The following FER1L6 variants were observed in gnomAD, a reference collection of about 807,000 sequenced individuals.
FER1L6 encodes fer-1-like protein 6.
In FER1L6, 177 loss-of-function variants were observed where a neutral mutation model predicts 219.2. The observed-to-expected ratio is 0.81, with a 90% CI of 0.71 to 0.91. The LOEUF (loss-of-function observed/expected upper bound fraction) is 0.91. Among genes scored for constraint, FER1L6 ranks in the 40% least tolerant of loss-of-function variants. FER1L6 has a pLI of 0.00. For synonymous variants in FER1L6, 768 were observed against 824.3 expected, an observed-to-expected ratio of 0.93 and a Z score of 1.17; for missense variants, 2,153 against 2,259.9, an observed-to-expected ratio of 0.95 and a Z score of 0.96.
At chr8:123,998,137 C>T (rs572853857) in intron 12 of FER1L6, among the ~76,000 whole-genome samples, 11 of 152,162 alleles carry the variant, frequency 7.2e-5, no homozygotes, top group African/African-American at 1.9e-4. Flanking sequence ...GGGTTGTTTG[C>T]GCCCATCCTT....
intron 12 of FER1L6, among the ~76,000 whole-genome samples, chr8:123,995,426 A>G (rs904638473): frequency 6.6e-6 from 1 of 152,134 alleles, no homozygotes; most frequent in African/African-American, 2.4e-5. Flanking sequence ...CTAAGAATTT[A>G]TCCATTTCTT....
chr8:123,867,947 C>G (rs1816862091), intron 1 of FER1L6, among the ~76,000 whole-genome samples: 1 of 152,218 alleles, frequency 6.6e-6, no homozygotes, highest in Non-Finnish European at 1.5e-5. Flanking sequence ...CCCTCTTTCC[C>G]TCAGAGAGTA....
intron 1 of FER1L6, among the ~76,000 whole-genome samples, chr8:123,874,567 A>G (rs1816972361): frequency 6.6e-6 from 1 of 152,202 alleles, no homozygotes; most frequent in South Asian, 2.1e-4. Context: ...CGCTACCAAT[A>G]CATCTACTGA....
At chr8:124,035,197 GAAGGACCTCTTTTCTCAA>G in intron 18 of FER1L6, 62 bp from the exon 19 acceptor site, 2 of 1,453,322 alleles carry the variant, frequency 1.4e-6, no homozygotes, top group Non-Finnish European at 1.9e-6. Flanking sequence ...GTGTCTCCAG[GAAGGACCTCTTTTCTCAA>G]AAGGGGAGGC....
In FER1L6 at chr8:123,938,976, G is replaced by A. The variant is rs535681628; in HGVS notation, c.-7-17016G>A. Among the ~76,000 whole-genome samples, 15 of 152,342 alleles carry A rather than the reference G, an allele frequency of 9.8e-5. No individual in the cohort carries two copies. In the South Asian group the frequency reaches 1.2e-3, roughly 13 times the overall value. The stretch of plus-strand genomic sequence containing the variant: ...TCTTCAAGGGAAGAGTACACTGTTC[G>A]AGGGTTGCCTGGGTCACTTGCTTTT... On this transcript the variant is annotated intron_variant, in intron 1 of 40. Coordinates refer to ENST00000522917, the MANE Select transcript of FER1L6 (RefSeq NM_001039112.2).
intron 1 of FER1L6, among the ~76,000 whole-genome samples, chr8:123,953,351 C>T (rs28508147): frequency 1.1e-3 from 160 of 152,314 alleles, no homozygotes; most frequent in African/African-American, 3.5e-3. Flanking sequence ...GCCTGAGCTG[C>T]GCCTAGACCA....
intron 1 of FER1L6, among the ~76,000 whole-genome samples, chr8:123,886,751 C>T (rs549173652): frequency 1.3e-5 from 2 of 152,284 alleles, no homozygotes; most frequent in East Asian, 3.9e-4. Flanking sequence ...CTCCACTTCA[C>T]TATTATATGT....
chr8:123,963,250 G>C (rs746923045), intron 2 of FER1L6, 28 bp from the exon 3 acceptor site: 1 of 1,612,850 alleles, frequency 6.2e-7, no homozygotes, highest in East Asian at 2.2e-5. Flanking sequence ...AATTTCACAG[G>C]ATTTTCTTCC....
intron 39 of FER1L6, among the ~76,000 whole-genome samples, chr8:124,116,859 T>A (rs557754847): frequency 6.6e-6 from 1 of 152,230 alleles, no homozygotes; most frequent in South Asian, 2.1e-4. Flanking sequence ...AGTTTTGGAC[T>A]TATTTCTTGA....
rs1434281136 is a variant in FER1L6 at position 124,101,254 on chromosome 8, T to C, written c.5041T>C (p.Leu1681=). The C allele has an allele frequency of 6.2e-7, 1 of 1,612,136 alleles. No individual in the cohort carries two copies. The highest frequency in any genetic ancestry group is 8.5e-7 in the Non-Finnish European group (1 of 1,178,318). The part of the protein sequence containing the change: ...VITKRENIFS[L]EKMECKTPAV... ...TACCAAGAGGGAGAACATCTTCTCT[T>C]TAGAGAAGATGGAGTGTAAGACTCC... Residue 1681 remains leucine (L), a synonymous_variant, in exon 38 of 41, where the codon TTA becomes CTA. Transcript: ENST00000522917.
chr8:124,100,643 GC>G, intron 37 of FER1L6, among the ~76,000 whole-genome samples: 1 of 152,256 alleles, frequency 6.6e-6, no homozygotes, highest in East Asian at 1.9e-4. Context: ...GACAACCCAA[GC>G]CTATACCAGC....
At chr8:124,005,544 C>T (rs1178116637) in intron 13 of FER1L6, among the ~76,000 whole-genome samples, 1 of 152,210 alleles carries the variant, frequency 6.6e-6, no homozygotes, top group Non-Finnish European at 1.5e-5. Context: ...TAGACTTTGT[C>T]CTCACCTCCC....
chr8:123,940,897 A>G (rs1247167147), intron 1 of FER1L6, among the ~76,000 whole-genome samples: 2 of 152,132 alleles, frequency 1.3e-5, no homozygotes, highest in Non-Finnish European at 2.9e-5. Context: ...AAAGAGGGGA[A>G]GGAAAGGCAT....
chr8:124,075,080 C>T (rs796963816), intron 31 of FER1L6, among the ~76,000 whole-genome samples: 6 of 152,316 alleles, frequency 3.9e-5, no homozygotes, highest in African/African-American at 1.4e-4. Flanking sequence ...AGTTTAGAAA[C>T]ACTGTACACT....
intron 2 of FER1L6, among the ~76,000 whole-genome samples, chr8:123,959,889 T>G (rs1236136839): frequency 6.6e-6 from 1 of 152,200 alleles, no homozygotes; most frequent in African/African-American, 2.4e-5. Context: ...TCAAGTTACA[T>G]TTATAAAAGG....
chr8:124,049,358 A>G (rs1038056981), intron 21 of FER1L6, among the ~76,000 whole-genome samples: 8 of 151,934 alleles, frequency 5.3e-5, no homozygotes, highest in African/African-American at 1.9e-4. Context: ...CCCTTTTAGG[A>G]TCATACAGGT....
At chr8:123,971,902 C>T (rs1286779288) in intron 6 of FER1L6, among the ~76,000 whole-genome samples, 1 of 152,170 alleles carries the variant, frequency 6.6e-6, no homozygotes, top group East Asian at 1.9e-4. Flanking sequence ...TAACACTTGA[C>T]CACACCAGGA....
intron 1 of FER1L6, among the ~76,000 whole-genome samples, chr8:123,892,429 T>C (rs907897893): frequency 5.3e-5 from 8 of 152,064 alleles, no homozygotes; most frequent in Admixed American, 5.2e-4. Flanking sequence ...GTAGCTGGGA[T>C]TACAGGTGCC....
In FER1L6 at chr8:123,929,861, C is replaced by G. The variant is rs529932700; in HGVS notation, c.-7-26131C>G. On this transcript the variant is annotated intron_variant, in intron 1 of 40. Coordinates refer to ENST00000522917, the MANE Select transcript of FER1L6 (RefSeq NM_001039112.2). ...GCATTCTAAGAGACATGTGTTCCCC[C>G]CTTAGTGATACCACAGTCTAGTGGG... Among the ~76,000 whole-genome samples, 24 of 152,198 alleles carry G rather than the reference C, an allele frequency of 1.6e-4. No homozygotes were observed. The South Asian group carries it at 2.9e-3, about 18-fold the overall frequency.
Sources: gnomAD v4.1 joint callset for allele counts (sites outside exome capture counted in the v4.1 genomes callset) on GRCh38, gnomAD v4.1.1 for gene constraint, MANE v1.5 for transcripts, NCBI Gene and HGNC (gene_info 2026-07-23, HGNC 2026-07-21) for gene names.